RSF1: variants seen among roughly 807,000 people sequenced by gnomAD.
RSF1 encodes the protein HBV pX-associated protein 8.
Under a neutral mutation model 145.2 loss-of-function variants are expected in RSF1, and 13 were observed. That is an observed-to-expected ratio of 0.09 (90% CI 0.06 to 0.14). RSF1 has a LOEUF of 0.14. Among genes scored for constraint, RSF1 ranks in the 10% least tolerant of loss-of-function variants. RSF1 has a pLI of 1.00. For missense variants in RSF1, 1,517 were observed against 1,718.2 expected, an observed-to-expected ratio of 0.88 and a Z score of 2.07; for synonymous variants, 577 against 592.6, an observed-to-expected ratio of 0.97 and a Z score of 0.38.
intron 1 of RSF1, among the ~76,000 whole-genome samples, chr11:77,779,321 C>G (rs1262846539): frequency 1.3e-5 from 2 of 152,180 alleles, no homozygotes; most frequent in African/African-American, 4.8e-5. Flanking sequence ...GATCCTACTG[C>G]CTTAGCCTCC....
intron 2 of RSF1, among the ~76,000 whole-genome samples, chr11:77,757,006 G>T (rs1948122767): frequency 6.6e-6 from 1 of 152,194 alleles, no homozygotes; most frequent in African/African-American, 2.4e-5. Context: ...TGAAAACAGA[G>T]AGGAAACACT....
chr11:77,849,140 G>A, the RSF1 span, among the ~76,000 whole-genome samples: 1 of 151,562 alleles, frequency 6.6e-6, no homozygotes, highest in Non-Finnish European at 1.5e-5. Flanking sequence ...AGGCTCAAGC[G>A]TTCCTCCCAC....
rs1959266370 is a variant in RSF1 at position 77,662,979 on chromosome 11, TTTTTA to T, written c.*3933_*3937del. On this transcript the variant is annotated 3_prime_UTR_variant, in exon 16 of 16. Coordinates refer to ENST00000308488, the MANE Select transcript of RSF1 (RefSeq NM_016578.4). ...TTCTTTCAAGTTAATGATGGATTCATTTTTATTTTTTCTGATACTTATCTGAAGTG... is the reference window on the plus strand; with the variant it reads ...TTCTTTCAAGTTAATGATGGATTCATTTTTTTCTGATACTTATCTGAAGTG... 1 of 152,064 alleles carries T rather than the reference TTTTTA, an allele frequency of 6.6e-6. No individual in the cohort carries two copies. The highest frequency in any genetic ancestry group is 2.4e-5 in the African/African-American group (1 of 41,406). 9.4% of individuals were successfully genotyped at this position (152,064 alleles called of 1,614,324 possible).
At chr11:77,845,969 T>C in the RSF1 span, among the ~76,000 whole-genome samples, 6 of 152,148 alleles carry the variant, frequency 3.9e-5, no homozygotes, top group African/African-American at 1.4e-4. Flanking sequence ...TCTTTTTCTT[T>C]CTTTCTTAAT....
At chr11:77,841,337 A>G in the RSF1 span, 2 of 660,032 alleles carry the variant, frequency 3.0e-6, no homozygotes, top group African/African-American at 1.8e-5. Flanking sequence ...CCCATGCAAT[A>G]TGTGTCTACT....
chr11:77,842,432 C>T, the RSF1 span: 4 of 1,560,048 alleles, frequency 2.6e-6, no homozygotes, highest in African/African-American at 2.7e-5. Flanking sequence ...CAAACTGTTT[C>T]AGCCTTACTT....
chr11:77,704,497 G>A (rs67775318), intron 5 of RSF1, among the ~76,000 whole-genome samples: 27,567 of 151,994 alleles, frequency 0.18, 3,183 homozygotes, highest in African/African-American at 0.31. Flanking sequence ...GTTTTCATTC[G>A]AAGGTAACTG....
intron 1 of RSF1, among the ~76,000 whole-genome samples, chr11:77,808,037 T>C (rs898876776): frequency 6.6e-6 from 1 of 152,106 alleles, no homozygotes; most frequent in African/African-American, 2.4e-5. Context: ...AAAAATTTTT[T>C]AAATAAAAAA....
At chr11:77,842,356 C>G in the RSF1 span, 2 of 930,524 alleles carry the variant, frequency 2.1e-6, no homozygotes, top group East Asian at 5.2e-5. Context: ...GAAGAAGTAA[C>G]AACCACGTAA....
chr11:77,702,467 T>C lies in RSF1; in HGVS notation c.762A>G (p.Lys254=), dbSNP rs775249947. 8 of 1,551,686 alleles carry C rather than the reference T, an allele frequency of 5.2e-6. No homozygotes were observed. Among genetic ancestry groups the C allele is most frequent in the Non-Finnish European group, 3.4e-6 (4 of 1,159,560 alleles). ...QEEQKESEKM[K]SEEQPMDLEN... ...CTAAATCCATAGGCTGCTCCTCACT[T>C]TTCATCTTTTCACTTTCTTTCTGTT... Residue 254 remains lysine, a synonymous_variant, in exon 6 of 16, where the codon AAA becomes AAG. Transcript: ENST00000308488.
intron 12 of RSF1, among the ~76,000 whole-genome samples, chr11:77,677,377 G>A (rs1351617523): frequency 6.6e-6 from 1 of 152,140 alleles, no homozygotes; most frequent in African/African-American, 2.4e-5. Context: ...TCATACCTAT[G>A]AGCAGTCACT....
At chr11:77,772,702 T>C (rs941673935) in intron 1 of RSF1, among the ~76,000 whole-genome samples, 1 of 152,168 alleles carries the variant, frequency 6.6e-6, no homozygotes, top group Non-Finnish European at 1.5e-5. Context: ...TGTCTAGGTA[T>C]TGAGGTATTT....
At chr11:77,774,744 T>C (rs1948324059) in intron 1 of RSF1, among the ~76,000 whole-genome samples, 1 of 149,116 alleles carries the variant, frequency 6.7e-6, no homozygotes, top group Non-Finnish European at 1.5e-5. Context: ...CTGGCCAACA[T>C]GGTGAAACCC....
the RSF1 span, among the ~76,000 whole-genome samples, chr11:77,835,200 T>A: frequency 1.3e-5 from 2 of 152,190 alleles, no homozygotes; most frequent in Non-Finnish European, 2.9e-5. Context: ...CTGAAACCTT[T>A]CAGGAAATTT....
intron 1 of RSF1, among the ~76,000 whole-genome samples, chr11:77,780,788 GCACT>G (rs1199463903): frequency 7.1e-6 from 1 of 141,548 alleles, no homozygotes; most frequent in Non-Finnish European, 1.5e-5. Flanking sequence ...TCATGCCACT[GCACT>G]ACAGCCTGGG....
At chr11:77,700,410 T>C (rs1358255150) in intron 6 of RSF1, among the ~76,000 whole-genome samples, 1 of 123,498 alleles carries the variant, frequency 8.1e-6, no homozygotes, top group Admixed American at 7.9e-5. Context: ...ACACTGTTAA[T>C]AGTGGCAATT....
At chr11:77,772,213 C>T (rs556386851) in intron 1 of RSF1, among the ~76,000 whole-genome samples, 1 of 151,954 alleles carries the variant, frequency 6.6e-6, no homozygotes, top group African/African-American at 2.4e-5. Flanking sequence ...TCACATCACT[C>T]AGGCTGGAGT....
chr11:77,832,978 TGTGTGTGTGTGTGTG>T, the RSF1 span, among the ~76,000 whole-genome samples: 1 of 67,780 alleles, frequency 1.5e-5, no homozygotes, highest in Non-Finnish European at 2.8e-5. Flanking sequence ...TGTGTGTGTG[TGTGTGTGTGTGTGTG>T]TGTGTATATA....
intron 1 of RSF1, among the ~76,000 whole-genome samples, chr11:77,794,402 C>T (rs1033842501): frequency 1.3e-5 from 2 of 151,964 alleles, no homozygotes; most frequent in African/African-American, 4.8e-5. Flanking sequence ...ATACATGGGG[C>T]CAGGCTCTGG....
Sources: gnomAD v4.1 joint callset for allele counts (sites outside exome capture counted in the v4.1 genomes callset) on GRCh38, gnomAD v4.1.1 for gene constraint, MANE v1.5 for transcripts, NCBI Gene and HGNC (gene_info 2026-07-23, HGNC 2026-07-21) for gene names.